Variants in CDK18 observed in about 807,000 individuals in gnomAD.
CDK18 encodes cyclin-dependent kinase 18.
Under a neutral mutation model 62.0 loss-of-function variants are expected in CDK18, and 52 were observed. The ratio of observed to expected loss-of-function variants is 0.84; its 90% CI spans 0.67 to 1.06. CDK18 has a LOEUF of 1.06. Ranked by LOEUF, CDK18 falls within the 50% of genes least tolerant of loss-of-function variation. The probability of loss-of-function intolerance (pLI) is 0.00; values close to 1 mark genes in which losing one functional copy is unlikely to be tolerated. For missense variants in CDK18, 604 were observed against 619.9 expected (o/e 0.97, Z 0.27); for synonymous variants, 237 against 247.0 (o/e 0.96, Z 0.38).
intron 1 of CDK18, among the ~76,000 whole-genome samples, chr1:205,515,686 G>A (rs1396444667): frequency 6.6e-6 from 1 of 152,152 alleles, no homozygotes; most frequent in Non-Finnish European, 1.5e-5. Flanking sequence ...GGAGAGCAAG[G>A]CTAGACACCG....
intron 5 of CDK18, 144 bp downstream of exon 5, chr1:205,525,339 G>A (rs1012986218): frequency 9.5e-6 from 5 of 527,162 alleles, no homozygotes; most frequent in African/African-American, 7.6e-5. Context: ...CACAGTCTTG[G>A]CTGTGCGCTC....
chr1:205,528,847 G>A lies in CDK18; in HGVS notation c.975-152G>A, dbSNP rs1668575811. The A allele has an allele frequency of 8.7e-6, 5 of 576,716 alleles. No individual in the cohort carries two copies. The highest frequency in any genetic ancestry group is 1.6e-5 in the Non-Finnish European group (5 of 322,274). 35.7% of individuals were successfully genotyped at this position (576,716 alleles called of 1,614,324 possible). On this transcript the variant is annotated intron_variant, in intron 10 of 15. Transcript: ENST00000429964. This position sits in a 1 kb window ranked among gnomAD's most constrained non-coding sequence, Gnocchi z 4.2. ...CTGTAGTGGGGGCTGGGCAGTTCTA[G>A]GAGCCTCCACTGCCCTGGGCCACCC...
rs754560252 is a variant in CDK18, at chr1:205,523,343, C to T, written c.130+46C>T. On this transcript the variant is annotated intron_variant, in intron 2 of 15. Transcript: ENST00000429964. Reference sequence around the variant, plus strand: ...CAGCACCTCTCCCACCTACCAGACACTCCCCAGTCACCTTCCCCTCCCCGC... The same window carrying T: ...CAGCACCTCTCCCACCTACCAGACATTCCCCAGTCACCTTCCCCTCCCCGC... 7 of 1,612,570 alleles carry T rather than the reference C, an allele frequency of 4.3e-6. No individual in the cohort carries two copies. In the South Asian group the frequency reaches 5.5e-5, roughly 13 times the overall value.
At chr1:205,530,740 G>A in intron 15 of CDK18, 35 bp downstream of exon 15, 1 of 1,577,884 alleles carries the variant, frequency 6.3e-7, no homozygotes, top group Non-Finnish European at 8.7e-7. Context: ...CCCTCCCCTT[G>A]TTAGTGGAAG....
At chr1:205,506,406 C>A (rs1242307258) in intron 1 of CDK18, among the ~76,000 whole-genome samples, 5 of 152,160 alleles carry the variant, frequency 3.3e-5, no homozygotes. Flanking sequence ...GGACTCTCCC[C>A]ATACCCTGCC....
chr1:205,528,919 T>G lies in CDK18; in HGVS notation c.975-80T>G. The G allele has an allele frequency of 1.1e-6, 1 of 921,116 alleles. No individual in the cohort carries two copies. Among genetic ancestry groups the G allele is most frequent in the Non-Finnish European group, 1.7e-6 (1 of 602,418 alleles). The allele number at this position is 921,116 out of a possible 1,614,324, so 57.1% of individuals were successfully genotyped here. A position where few individuals can be genotyped will look rare whatever the true frequency, so the allele number is the denominator to read the frequency against. On this transcript the variant is annotated intron_variant, in intron 10 of 15. Coordinates refer to ENST00000429964, the MANE Select transcript of CDK18 (RefSeq NM_212502.3). This position sits in a 1 kb window ranked among gnomAD's most constrained non-coding sequence, Gnocchi z 4.2. ...CCCTGCAGCCGCCTGTGGCAGGTCG[T>G]CATTGGTGCCCTGGTGGAGCAGCCC...
chr1:205,519,860 T>C (rs1482752232), intron 1 of CDK18, among the ~76,000 whole-genome samples: 1 of 151,678 alleles, frequency 6.6e-6, no homozygotes, highest in Non-Finnish European at 1.5e-5. Flanking sequence ...AGCAAGGGTG[T>C]GAGATTTATG....
At position 205,517,533 on chromosome 1, in the gene CDK18, C is replaced by T. The variant is rs957340475; in HGVS notation, c.-21-5614C>T. Among the ~76,000 whole-genome samples the T allele has an allele frequency of 6.6e-6, 1 of 152,040 alleles. No homozygotes were observed. The highest frequency in any genetic ancestry group is 1.5e-5 in the Non-Finnish European group (1 of 68,004). ...CTGTACGTTGAAAATGTCACCTGCC[C>T]AACATCCAACTCCTGGTCTTCCCAC... On this transcript the variant is annotated intron_variant, in intron 1 of 15. Coordinates refer to ENST00000429964, the MANE Select transcript of CDK18 (RefSeq NM_212502.3). This position sits in a 1 kb window ranked among gnomAD's most constrained non-coding sequence, Gnocchi z 4.1.
At chr1:205,520,850 A>C (rs560785803) in intron 1 of CDK18, among the ~76,000 whole-genome samples, 2 of 152,178 alleles carry the variant, frequency 1.3e-5, no homozygotes, top group Non-Finnish European at 2.9e-5. Context: ...TGCCACCATC[A>C]TGAAGCCTCC....
chr1:205,525,308 G>C, intron 5 of CDK18, 113 bp downstream of exon 5: 1 of 666,976 alleles, frequency 1.5e-6, no homozygotes, highest in South Asian at 2.0e-5. Context: ...GCCCTCTCCT[G>C]GCCCCTGCCC....
chr1:205,526,901 G>T (rs1324370830), intron 8 of CDK18, 64 bp downstream of exon 8: 39 of 1,343,826 alleles, frequency 2.9e-5, no homozygotes, highest in Non-Finnish European at 4.0e-5. Flanking sequence ...CCAGTGTGGG[G>T]ACCCACTCTC....
chr1:205,523,709 A>G (rs1470386421), intron 3 of CDK18, 84 bp downstream of exon 3: 3 of 1,464,040 alleles, frequency 2.0e-6, no homozygotes, highest in Non-Finnish European at 2.7e-6. Context: ...CCTTACAGCC[A>G]GACTTTGTGA....
chr1:205,512,010 C>T (rs538780769), intron 1 of CDK18, among the ~76,000 whole-genome samples: 35 of 152,282 alleles, frequency 2.3e-4, no homozygotes, highest in South Asian at 1.2e-3. Context: ...GCCAAGATCA[C>T]GCCACTGCAC....
Position 205,527,999 on chromosome 1 carries a change from A to C in CDK18, c.854-49A>C. ...TGCAGTGGGGGAGGGCATAGCAGTC[A>C]ACCCCACAGCACCTGTGGACAGAGG... is the stretch of plus-strand genomic sequence containing the variant. On this transcript the variant is annotated intron_variant, in intron 9 of 15. Coordinates refer to ENST00000429964, the MANE Select transcript of CDK18 (RefSeq NM_212502.3). This position sits in a 1 kb window ranked among gnomAD's most constrained non-coding sequence, Gnocchi z 4.1. 1 of 1,613,332 alleles carries C rather than the reference A, an allele frequency of 6.2e-7. No homozygotes were observed. The highest frequency in any genetic ancestry group is 1.1e-5 in the South Asian group (1 of 91,056).
At chr1:205,525,980 C>T in intron 5 of CDK18, 85 bp from the exon 6 acceptor site, 1 of 929,332 alleles carries the variant, frequency 1.1e-6, no homozygotes, top group Non-Finnish European at 1.7e-6. Context: ...AGTCGTAGCC[C>T]AGGCAGAGGC....
At chr1:205,511,102 A>G (rs1002926514) in intron 1 of CDK18, among the ~76,000 whole-genome samples, 3 of 152,264 alleles carry the variant, frequency 2.0e-5, no homozygotes, top group Non-Finnish European at 4.4e-5. Flanking sequence ...TTGGCAAACC[A>G]TGGCTCTTGG....
intron 1 of CDK18, among the ~76,000 whole-genome samples, chr1:205,518,002 C>A (rs1667910824): frequency 6.6e-6 from 1 of 152,172 alleles, no homozygotes; most frequent in Admixed American, 6.5e-5. Flanking sequence ...GTGAACCAGA[C>A]TTACTTCTGC....
rs770866592 is a variant in CDK18, at chr1:205,523,298, G to A, written c.130+1G>A. ...CAGCTCCACAACCGGCGGAATGAGA[G>A]TGAGGGGTCTGGGCCCACCCAGCAC... On this transcript the variant is annotated splice_donor_variant, in intron 2 of 15. Coordinates refer to ENST00000429964, the MANE Select transcript of CDK18 (RefSeq NM_212502.3). LOFTEE classifies it high-confidence loss of function. 7 of 1,614,094 alleles carry A rather than the reference G, an allele frequency of 4.3e-6. No individual in the cohort carries two copies. The highest frequency in any genetic ancestry group is 5.9e-6 in the Non-Finnish European group (7 of 1,179,990).
chr1:205,515,233 G>T (rs981833536), intron 1 of CDK18, among the ~76,000 whole-genome samples: 1 of 144,176 alleles, frequency 6.9e-6, no homozygotes, highest in African/African-American at 2.6e-5. Context: ...CTGGAGTGCA[G>T]TGGCGCCATT....
Sources: gnomAD v4.1 joint callset for allele counts (sites outside exome capture counted in the v4.1 genomes callset) on GRCh38, gnomAD v4.1.1 for gene constraint, Gnocchi (gnomAD v3.1) non-coding constraint, MANE v1.5 for transcripts, NCBI Gene and HGNC (gene_info 2026-07-23, HGNC 2026-07-21) for gene names.